The following ST7L variants were observed in gnomAD, a reference collection of about 807,000 sequenced individuals.
ST7L encodes the protein suppression of tumorigenicity 7 like.
A neutral mutation model predicts 72.5 loss-of-function variants in ST7L; 57 were observed. The observed-to-expected ratio is 0.79, with a 90% CI of 0.64 to 0.98. The LOEUF (loss-of-function observed/expected upper bound fraction) is 0.98. Among genes scored for constraint, ST7L ranks in the 50% least tolerant of loss-of-function variants. The pLI is 0.00. For missense variants in ST7L, 576 were observed against 672.2 expected (o/e 0.86, Z 1.58); for synonymous variants, 221 against 240.9 (o/e 0.92, Z 0.77).
chr1:112,535,910 C>G (rs1655133715), intron 14 of ST7L, among the ~76,000 whole-genome samples: 1 of 152,202 alleles, frequency 6.6e-6, no homozygotes, highest in East Asian at 1.9e-4. Context: ...TAGAGAACGT[C>G]TTTTCTCTTG....
At chr1:112,618,069 C>T (rs1231265335) in intron 1 of ST7L, 13 of 1,303,918 alleles carry the variant, frequency 1.0e-5, no homozygotes, top group Non-Finnish European at 1.3e-5. Flanking sequence ...TCAGAAAAAT[C>T]AACCACCATA....
intron 3 of ST7L, among the ~76,000 whole-genome samples, chr1:112,602,184 GT>G (rs1467979447): frequency 2.6e-5 from 4 of 152,044 alleles, no homozygotes; most frequent in African/African-American, 4.8e-5. Flanking sequence ...ATTATCCTTG[GT>G]CATCAAAGGT....
chr1:112,534,630 A>G (rs1014375984), intron 14 of ST7L, among the ~76,000 whole-genome samples: 2 of 152,154 alleles, frequency 1.3e-5, no homozygotes, highest in Non-Finnish European at 2.9e-5. Context: ...CTATTCCTCA[A>G]TATTATAATT....
intron 6 of ST7L, among the ~76,000 whole-genome samples, chr1:112,587,823 T>A (rs912660915): frequency 6.6e-6 from 1 of 152,232 alleles, no homozygotes; most frequent in South Asian, 2.1e-4. Context: ...GTATGAATTA[T>A]AGGATCGCCT....
chr1:112,581,393 C>CTGTAAAT (rs1168285999), intron 9 of ST7L, among the ~76,000 whole-genome samples: 1 of 139,564 alleles, frequency 7.2e-6, no homozygotes, highest in East Asian at 2.3e-4. Flanking sequence ...ATGAGGGCTC[C>CTGTAAAT]CCGTCTTTTT....
chr1:112,579,693 A>G (rs936036353), intron 9 of ST7L, among the ~76,000 whole-genome samples: 3 of 152,158 alleles, frequency 2.0e-5, no homozygotes, highest in African/African-American at 7.2e-5. Context: ...CTATCAGAAG[A>G]TGTTTCTGAT....
rs1385789929 is a variant in ST7L at position 112,523,730 on chromosome 1, ATACAT to A, written c.*2278_*2282del. 1.3e-5 allele frequency: 2 copies of A among 152,174 alleles called. No homozygotes were observed. The highest frequency in any genetic ancestry group is 1.9e-4 in the East Asian group (1 of 5,192). 9.4% of individuals were successfully genotyped at this position (152,174 alleles called of 1,614,324 possible). A position where few individuals can be genotyped will look rare whatever the true frequency, so the allele number is the denominator to read the frequency against. ...AACTTTTAATAAACATTTAGGTATA[ATACAT>A]TACAGTAAGTGCTATTTAGATACAA... On this transcript the variant is annotated 3_prime_UTR_variant, in exon 15 of 15. Coordinates refer to ENST00000358039, the MANE Select transcript of ST7L (RefSeq NM_017744.5).
downstream of ST7L, chr1:112,520,221 G>C: frequency 6.7e-7 from 1 of 1,502,820 alleles, no homozygotes; most frequent in Non-Finnish European, 9.1e-7. Flanking sequence ...TGTGGTTAAG[G>C]GTATCCAGGG....
chr1:112,549,132 C>T (rs1657662799), intron 13 of ST7L, among the ~76,000 whole-genome samples: 1 of 152,082 alleles, frequency 6.6e-6, no homozygotes, highest in East Asian at 1.9e-4. Context: ...GTGGTTCACG[C>T]CTGTAGGCCC....
chr1:112,559,244 C>G (rs1004194069), intron 11 of ST7L, among the ~76,000 whole-genome samples: 1 of 152,012 alleles, frequency 6.6e-6, no homozygotes, highest in African/African-American at 2.4e-5. Flanking sequence ...TCAAAAAATA[C>G]TTTTATTTAT....
Position 112,555,996 on chromosome 1 carries a change from A to C in ST7L, c.1268T>G (p.Leu423Ter). Residue 423 changes from leucine to a stop codon, truncating the protein, a stop_gained, in exon 12 of 15, where the codon TTA becomes TGA. Coordinates refer to ENST00000358039, the MANE Select transcript of ST7L (RefSeq NM_017744.5). LOFTEE classifies it high-confidence loss of function. ...VPKYLLEMKS[L>*]ILPPEHILKR... ...CAGAATGTGTTCTGGAGGTAAAATT[A>C]AACTTTTCATCTCTAATAAATACTG... 6.2e-7 allele frequency: 1 copy of C among 1,604,544 alleles called. No homozygotes were observed. Among genetic ancestry groups the C allele is most frequent in the Non-Finnish European group, 8.5e-7 (1 of 1,175,024 alleles).
intron 11 of ST7L, among the ~76,000 whole-genome samples, chr1:112,572,425 C>G (rs1005599109): frequency 6.6e-6 from 1 of 152,100 alleles, no homozygotes; most frequent in African/African-American, 2.4e-5. Flanking sequence ...CAATAGAAGG[C>G]TGTTTCATCT....
chr1:112,615,651 C>T (rs1024708307), intron 2 of ST7L, among the ~76,000 whole-genome samples: 1 of 152,120 alleles, frequency 6.6e-6, no homozygotes, highest in Non-Finnish European at 1.5e-5. Flanking sequence ...ATCGACTGTA[C>T]TCTGGCCTGG....
Position 112,524,833 on chromosome 1 carries a change from C to T in ST7L, c.*1180G>A, listed in dbSNP as rs1653161150. On this transcript the variant is annotated 3_prime_UTR_variant, in exon 15 of 15. Transcript: ENST00000358039. ...GCTGCATAGGAGTTCTGCTCATCCT[C>T]CTCTCCCCAACAATTAAAAAAAAAA... The T allele has an allele frequency of 1.3e-5, 2 of 152,132 alleles. No homozygotes were observed. Among genetic ancestry groups the T allele is most frequent in the South Asian group, 2.1e-4 (1 of 4,820 alleles). The allele number at this position is 152,132 out of a possible 1,614,324, so 9.4% of individuals were successfully genotyped here.
chr1:112,593,306 C>T (rs1339936722), intron 5 of ST7L, among the ~76,000 whole-genome samples: 2 of 152,066 alleles, frequency 1.3e-5, no homozygotes, highest in Non-Finnish European at 2.9e-5. Context: ...TAAAATAAGG[C>T]TTAGGAGTAA....
intron 5 of ST7L, among the ~76,000 whole-genome samples, chr1:112,593,756 T>A (rs1375743366): frequency 6.6e-6 from 1 of 152,210 alleles, no homozygotes; most frequent in Non-Finnish European, 1.5e-5. Flanking sequence ...GTTTGTTCTC[T>A]GCCCTAGATA....
At chr1:112,578,099 CA>C (rs1393247540) in intron 10 of ST7L, among the ~76,000 whole-genome samples, 1 of 152,160 alleles carries the variant, frequency 6.6e-6, no homozygotes, top group Non-Finnish European at 1.5e-5. Flanking sequence ...AGGAGAGACT[CA>C]AAATGATTAA....
At chr1:112,550,386 A>T (rs1355484360) in intron 13 of ST7L, among the ~76,000 whole-genome samples, 1 of 152,114 alleles carries the variant, frequency 6.6e-6, no homozygotes, top group Non-Finnish European at 1.5e-5. Flanking sequence ...TAATATCTTT[A>T]ATCTTGGTGT....
intron 14 of ST7L, 38 bp from the exon 15 acceptor site, chr1:112,526,149 G>A: frequency 6.2e-7 from 1 of 1,613,340 alleles, no homozygotes; most frequent in East Asian, 2.2e-5. Flanking sequence ...TTCAAGCCCT[G>A]TAGGAGTCCC....
Sources: gnomAD v4.1 joint callset for allele counts (sites outside exome capture counted in the v4.1 genomes callset) on GRCh38, gnomAD v4.1.1 for gene constraint, MANE v1.5 for transcripts, NCBI Gene and HGNC (gene_info 2026-07-23, HGNC 2026-07-21) for gene names.